Variants in TAMM41 observed in about 807,000 individuals in gnomAD.
The protein encoded by TAMM41 is TAM41 mitochondrial translocator assembly and maintenance homolog, also known as phosphatidate cytidylyltransferase, mitochondrial.
In TAMM41, 36 loss-of-function variants were observed where a neutral mutation model predicts 44.1. The observed-to-expected ratio is 0.82, with a 90% CI of 0.63 to 1.08. The LOEUF (loss-of-function observed/expected upper bound fraction) is 1.08, where lower values mean the gene tolerates loss of function less well. Ranked by LOEUF, TAMM41 falls within the 50% of genes least tolerant of loss-of-function variation. TAMM41 has a pLI of 0.00. For synonymous variants in TAMM41, 164 were observed against 153.1 expected (o/e 1.07, Z -0.53); for missense variants, 417 against 404.3 (o/e 1.03, Z -0.27).
the TAMM41 span, among the ~76,000 whole-genome samples, chr3:11,761,987 A>G: frequency 5.9e-5 from 9 of 151,418 alleles, no homozygotes; most frequent in African/African-American, 2.2e-4. Context: ...AAAGAAAAAA[A>G]GAAAAAAGAG....
chr3:11,730,591 G>A, the TAMM41 span, among the ~76,000 whole-genome samples: 4 of 151,812 alleles, frequency 2.6e-5, no homozygotes, highest in African/African-American at 9.7e-5. Context: ...AAAATTAGCC[G>A]GGCGTGGCGG....
chr3:11,846,735 C>G lies in TAMM41; in HGVS notation c.-99G>C. The G allele has an allele frequency of 6.7e-7, 1 of 1,487,570 alleles. No individual in the cohort carries two copies. The highest frequency in any genetic ancestry group is 1.2e-5 in the South Asian group (1 of 83,482). The allele number at this position is 1,487,570 out of a possible 1,614,324, so 92.1% of individuals were successfully genotyped here. On this transcript the variant is annotated 5_prime_UTR_variant, in exon 1 of 8. Transcript: ENST00000455809. ...GCGGTTTAGGGTGGGAAATGGAAGT[C>G]GGAGACTGGATCGAGGGACACAAGG...
the TAMM41 span, among the ~76,000 whole-genome samples, chr3:11,778,891 AT>A: frequency 2.6e-5 from 4 of 151,888 alleles, no homozygotes; most frequent in African/African-American, 7.3e-5. Flanking sequence ...ATTTACAAAT[AT>A]TTTTTTCCCA....
intron 4 of TAMM41, among the ~76,000 whole-genome samples, chr3:11,820,027 A>G (rs993944639): frequency 2.6e-5 from 4 of 152,278 alleles, no homozygotes; most frequent in Admixed American, 2.0e-4. Flanking sequence ...ATTTTACTCT[A>G]TAATTTCCCC....
At chr3:11,818,079 C>T (rs2078353418) in intron 4 of TAMM41, among the ~76,000 whole-genome samples, 1 of 152,212 alleles carries the variant, frequency 6.6e-6, no homozygotes, top group African/African-American at 2.4e-5. Context: ...TAAGTGCATG[C>T]CTACTGGGCT....
At chr3:11,795,446 T>C (rs566344174) in intron 7 of TAMM41, among the ~76,000 whole-genome samples, 159 of 152,226 alleles carry the variant, frequency 1.0e-3, no homozygotes, top group African/African-American at 3.7e-3. Context: ...GGCAAATCTT[T>C]CCTGTCTGAA....
chr3:11,776,500 C>A, the TAMM41 span, among the ~76,000 whole-genome samples: 1 of 152,140 alleles, frequency 6.6e-6, no homozygotes, highest in Non-Finnish European at 1.5e-5. Context: ...ACAGTGCTCA[C>A]CACTGTGTTA....
the TAMM41 span, among the ~76,000 whole-genome samples, chr3:11,744,391 C>T: frequency 6.6e-6 from 1 of 151,946 alleles, no homozygotes; most frequent in Non-Finnish European, 1.5e-5. Context: ...CTAAGAGAAG[C>T]ACGGTTTAAA....
the TAMM41 span, among the ~76,000 whole-genome samples, chr3:11,738,457 T>G: frequency 6.6e-6 from 1 of 152,194 alleles, no homozygotes; most frequent in Non-Finnish European, 1.5e-5. Context: ...TTGTTCCCGA[T>G]GTCCTATTCA....
the TAMM41 span, among the ~76,000 whole-genome samples, chr3:11,778,978 A>T: frequency 1.4e-4 from 22 of 152,190 alleles, 1 homozygote; most frequent in South Asian, 3.5e-3. Flanking sequence ...CTCCAAAGCT[A>T]ATATTGAAAT....
chr3:11,732,681 CTG>C, the TAMM41 span, among the ~76,000 whole-genome samples: 1 of 152,168 alleles, frequency 6.6e-6, no homozygotes, highest in South Asian at 2.1e-4. Flanking sequence ...GAGGGCCTCT[CTG>C]AGGAGGTGAC....
At chr3:11,807,102 G>A in intron 7 of TAMM41, 1 of 899,512 alleles carries the variant, frequency 1.1e-6, no homozygotes, top group East Asian at 1.2e-4. Flanking sequence ...CAAAATGAGA[G>A]TGTGCACCAA....
intron 5 of TAMM41, among the ~76,000 whole-genome samples, chr3:11,814,100 T>A (rs934424567): frequency 6.6e-6 from 1 of 151,400 alleles, no homozygotes; most frequent in African/African-American, 2.4e-5. Flanking sequence ...ATCACTTGAG[T>A]GCAAGAGTTC....
At chr3:11,832,970 A>G (rs918111151) in intron 3 of TAMM41, 1 of 1,014,242 alleles carries the variant, frequency 9.9e-7, no homozygotes, top group Non-Finnish European at 1.2e-6. Context: ...TTGCTATTTA[A>G]GATTAAGAGG....
chr3:11,784,125 A>G, the TAMM41 span, among the ~76,000 whole-genome samples: 1 of 152,236 alleles, frequency 6.6e-6, no homozygotes, highest in Non-Finnish European at 1.5e-5. Flanking sequence ...ACTCTGCCCA[A>G]ATGAAGTACA....
Position 11,807,853 on chromosome 3 carries a change from G to T in TAMM41, c.917C>A (p.Thr306Lys), listed in dbSNP as rs775014499. ...IVRPSSIRQS[T>K]KGIFTAGLKK... is the part of the protein sequence containing the mutation. ...CTTACCAGCAGTAAAAATGCCTTTC[G>T]TGCTCTGTCTTATACTAGACGGTCT... is the stretch of plus-strand genomic sequence containing the variant. Residue 306 changes from threonine to lysine, a missense_variant, in exon 7 of 8, where the codon ACG becomes AAG. Physicochemically the swap from Thr to Lys is moderately conservative, Grantham distance 78. Coordinates refer to ENST00000455809, the MANE Select transcript of TAMM41 (RefSeq NM_001284401.2). 6.5e-7 allele frequency: 1 copy of T among 1,536,066 alleles called. No individual in the cohort carries two copies. The highest frequency in any genetic ancestry group is 8.7e-7 in the Non-Finnish European group (1 of 1,146,912).
chr3:11,809,563 TAA>T lies in TAMM41; in HGVS notation c.826_827del (p.Leu276IlefsTer6), dbSNP rs747079271. On this transcript the variant is annotated frameshift_variant, in exon 6 of 8. Coordinates refer to ENST00000455809, the MANE Select transcript of TAMM41 (RefSeq NM_001284401.2). LOFTEE classifies it high-confidence loss of function. ...AGTCGGGATCATGAGCCACTTGGAA[TAA>T]AGTTTCTTCCACATCTCTGTTTTTT... The part of the protein sequence containing the change: ...PGKNRDVEET[L>X]FQVAHDPDCG... 6.2e-7 allele frequency: 1 copy of T among 1,614,180 alleles called. No individual in the cohort carries two copies. The highest frequency in any genetic ancestry group is 2.2e-5 in the East Asian group (1 of 44,884).
intron 5 of TAMM41, 148 bp from the exon 6 acceptor site, chr3:11,809,830 T>C: frequency 1.4e-6 from 1 of 708,922 alleles, no homozygotes; most frequent in Non-Finnish European, 2.3e-6. Flanking sequence ...ACTCTCTTTT[T>C]CTGAAACTGA....
At chr3:11,803,604 AAAAC>A (rs1218543924) in intron 7 of TAMM41, among the ~76,000 whole-genome samples, 2 of 152,162 alleles carry the variant, frequency 1.3e-5, no homozygotes, top group African/African-American at 4.8e-5. Flanking sequence ...ATCAAAAACA[AAAAC>A]AAAAAAAACC....
Sources: allele counts gnomAD v4.1 joint callset (sites outside exome capture counted in the v4.1 genomes callset), GRCh38; gene constraint gnomAD v4.1.1; transcripts MANE v1.5; gene names NCBI Gene and HGNC (gene_info 2026-07-23, HGNC 2026-07-21).